Variants in RETREG1 observed in about 807,000 individuals in gnomAD.
RETREG1 encodes reticulophagy regulator 1.
RETREG1 carries 44 observed loss-of-function variants against 54.8 expected under a neutral mutation model. The observed-to-expected ratio is 0.80, with a 90% CI of 0.63 to 1.03. RETREG1 has a LOEUF of 1.03. Among genes scored for constraint, RETREG1 ranks in the 50% least tolerant of loss-of-function variants. The pLI is 0.00. For missense variants in RETREG1, 554 were observed against 605.1 expected, an observed-to-expected ratio of 0.92 and a Z score of 0.89; for synonymous variants, 217 against 238.5, an observed-to-expected ratio of 0.91 and a Z score of 0.83.
intron 2 of RETREG1, among the ~76,000 whole-genome samples, chr5:16,566,159 C>A (rs1248558039): frequency 1.3e-5 from 2 of 152,160 alleles, no homozygotes; most frequent in Admixed American, 6.5e-5. Context: ...AAGAGGGAGG[C>A]ACACACCATG....
chr5:16,504,802 T>A (rs1336949902), intron 3 of RETREG1, among the ~76,000 whole-genome samples: 1 of 152,132 alleles, frequency 6.6e-6, no homozygotes, highest in Admixed American at 6.6e-5. Flanking sequence ...TTTTCAAACA[T>A]ACAAAAGTTG....
chr5:16,547,594 G>T (rs376379207), intron 3 of RETREG1, among the ~76,000 whole-genome samples: 1 of 152,138 alleles, frequency 6.6e-6, no homozygotes, highest in East Asian at 1.9e-4. Flanking sequence ...AGAAACAGGC[G>T]TGAGACTTTG....
chr5:16,477,783 G>A lies in RETREG1; in HGVS notation c.879C>T (p.Ser293=). 2 of 1,613,274 alleles carry A rather than the reference G, an allele frequency of 1.2e-6. No individual in the cohort carries two copies. Among genetic ancestry groups the A allele is most frequent in the Non-Finnish European group, 1.7e-6 (2 of 1,179,494 alleles). The change falls in exon 8 of 9, where the codon AGC becomes AGT. Residue 293 remains serine, a synonymous_variant. Transcript: ENST00000306320. ...LDFSALCPKI[S]LTVAAKELSV... is the part of the protein sequence containing the mutation. ...ATAACTCTTTGGCAGCAACCGTGAG[G>A]CTAATCTGTGTTAATATAAATAAAT... is the stretch of plus-strand genomic sequence containing the variant.
intron 3 of RETREG1, among the ~76,000 whole-genome samples, chr5:16,504,917 T>C (rs530236386): frequency 1.8e-4 from 28 of 152,338 alleles, no homozygotes; most frequent in African/African-American, 6.5e-4. Context: ...GTATCAACAA[T>C]AGGCTTTGTC....
chr5:16,486,691 A>G (rs1173528005), intron 3 of RETREG1, among the ~76,000 whole-genome samples: 1 of 152,208 alleles, frequency 6.6e-6, no homozygotes, highest in Non-Finnish European at 1.5e-5. Flanking sequence ...TATTCTTTGA[A>G]GAGACCACAT....
chr5:16,522,640 G>T (rs1402547441), intron 3 of RETREG1, among the ~76,000 whole-genome samples: 1 of 152,168 alleles, frequency 6.6e-6, no homozygotes, highest in Non-Finnish European at 1.5e-5. Flanking sequence ...CTCATGAGGG[G>T]TTTCCTCCAG....
At chr5:16,483,512 G>A in intron 3 of RETREG1, 40 bp from the exon 4 acceptor site, 1 of 1,605,632 alleles carries the variant, frequency 6.2e-7, no homozygotes, top group Non-Finnish European at 8.5e-7. Context: ...CTGAACTTTG[G>A]ATGATTCATT....
intron 8 of RETREG1, among the ~76,000 whole-genome samples, chr5:16,477,063 T>C (rs986782268): frequency 1.3e-5 from 2 of 152,140 alleles, no homozygotes; most frequent in African/African-American, 4.8e-5. Context: ...GCGTCTATCT[T>C]TCTCTCCCAC....
At chr5:16,578,021 T>C (rs1042021111) in intron 1 of RETREG1, among the ~76,000 whole-genome samples, 1 of 152,210 alleles carries the variant, frequency 6.6e-6, no homozygotes, top group Non-Finnish European at 1.5e-5. Flanking sequence ...TATTCCTTTT[T>C]TTCCTGTTAT....
At chr5:16,519,820 C>A (rs1740473813) in intron 3 of RETREG1, among the ~76,000 whole-genome samples, 1 of 152,204 alleles carries the variant, frequency 6.6e-6, no homozygotes. Context: ...TAAGGTCACG[C>A]AACATATCAC....
chr5:16,589,712 C>T (rs189579584), intron 1 of RETREG1, among the ~76,000 whole-genome samples: 1 of 152,304 alleles, frequency 6.6e-6, no homozygotes, highest in African/African-American at 2.4e-5. Context: ...AGGGGAGAAC[C>T]ATGGCCGTCA....
rs1180767982 is a variant in RETREG1, at chr5:16,561,967, A to G, written c.458+3796T>C. Among the ~76,000 whole-genome samples, 1 of 152,224 alleles carries G rather than the reference A, an allele frequency of 6.6e-6. No individual in the cohort carries two copies. Among genetic ancestry groups the G allele is most frequent in the East Asian group, 1.9e-4 (1 of 5,194 alleles). ...GTCTAATCTTTCCCCAACCACAGTT[A>G]GAGAGAAAGCCTCGATTTCCTTGCC... On this transcript the variant is annotated intron_variant, in intron 3 of 8. Transcript: ENST00000306320. This position sits in a 1 kb window ranked among gnomAD's most constrained non-coding sequence, Gnocchi z 4.2.
At chr5:16,572,538 A>G (rs1296917050) in intron 1 of RETREG1, among the ~76,000 whole-genome samples, 1 of 152,216 alleles carries the variant, frequency 6.6e-6, no homozygotes, top group East Asian at 1.9e-4. Flanking sequence ...AAATCACCCC[A>G]GTGTGACTGC....
chr5:16,473,439 A>G lies in RETREG1; in HGVS notation c.*1302T>C, dbSNP rs1738385025. The stretch of plus-strand genomic sequence containing the variant: ...AAATATAAGGGATAAAATGAAAGGA[A>G]GAGAACACAGATTTCCTATATTCTT... On this transcript the variant is annotated 3_prime_UTR_variant, in exon 9 of 9. Transcript: ENST00000306320. The G allele has an allele frequency of 6.6e-6, 1 of 152,660 alleles. No homozygotes were observed. The highest frequency in any genetic ancestry group is 2.4e-5 in the African/African-American group (1 of 41,460). 9.5% of individuals were successfully genotyped at this position (152,660 alleles called of 1,614,324 possible). A position where few individuals can be genotyped will look rare whatever the true frequency, so the allele number is the denominator to read the frequency against.
chr5:16,519,467 A>T (rs1176475468), intron 3 of RETREG1, among the ~76,000 whole-genome samples: 1 of 152,214 alleles, frequency 6.6e-6, no homozygotes, highest in Admixed American at 6.5e-5. Context: ...CTGGACAGCC[A>T]GCAGGAGAAA....
chr5:16,527,012 G>C (rs559054644), intron 3 of RETREG1, among the ~76,000 whole-genome samples: 1 of 152,324 alleles, frequency 6.6e-6, no homozygotes, highest in Non-Finnish European at 1.5e-5. Context: ...TGGCAATTTG[G>C]GACAACTCTG....
intron 3 of RETREG1, among the ~76,000 whole-genome samples, chr5:16,485,114 AAATAT>A (rs1738964412): frequency 6.6e-6 from 1 of 152,146 alleles, no homozygotes; most frequent in Non-Finnish European, 1.5e-5. Context: ...ATGGCAAAGG[AAATAT>A]AAGGTTATTA....
chr5:16,533,489 C>T (rs1186448555), intron 3 of RETREG1, among the ~76,000 whole-genome samples: 2 of 152,144 alleles, frequency 1.3e-5, no homozygotes, highest in African/African-American at 4.8e-5. Context: ...GGCAGACCAA[C>T]CTAGTAGTCT....
chr5:16,564,476 T>C (rs956200119), intron 3 of RETREG1, among the ~76,000 whole-genome samples: 1 of 152,200 alleles, frequency 6.6e-6, no homozygotes, highest in African/African-American at 2.4e-5. Flanking sequence ...AACACATGAC[T>C]GTTTCCCTAT....
Sources: allele counts gnomAD v4.1 joint callset (sites outside exome capture counted in the v4.1 genomes callset), GRCh38; gene constraint gnomAD v4.1.1; non-coding constraint Gnocchi (gnomAD v3.1); transcripts MANE v1.5; gene names NCBI Gene and HGNC (gene_info 2026-07-23, HGNC 2026-07-21).